Variants in CDK8 observed in about 807,000 individuals in gnomAD.
CDK8 encodes the protein cyclin dependent kinase 8.
In CDK8, 29 loss-of-function variants were observed where a neutral mutation model predicts 71.5. That is an observed-to-expected ratio of 0.41 (90% CI 0.30 to 0.55). CDK8 has a LOEUF of 0.55. Among genes scored for constraint, CDK8 ranks in the 20% least tolerant of loss-of-function variants. The pLI is 0.37. For missense variants in CDK8, 288 were observed against 572.6 expected, an observed-to-expected ratio of 0.50 and a Z score of 5.07; for synonymous variants, 161 against 192.1, an observed-to-expected ratio of 0.84 and a Z score of 1.34.
intron 1 of CDK8, among the ~76,000 whole-genome samples, chr13:26,289,239 G>C (rs1479625066): frequency 6.6e-6 from 1 of 151,586 alleles, no homozygotes; most frequent in Non-Finnish European, 1.5e-5. Flanking sequence ...ATTTTTAGTA[G>C]AGATGGAGTT....
chr13:26,319,683 C>CT (rs57713231), intron 1 of CDK8, among the ~76,000 whole-genome samples: 11,639 of 137,416 alleles, frequency 0.085, 1,095 homozygotes, highest in African/African-American at 0.24. Flanking sequence ...ATCCAAATGG[C>CT]TTTTTTTTTT....
intron 4 of CDK8, among the ~76,000 whole-genome samples, chr13:26,361,345 C>T (rs1874128735): frequency 6.6e-6 from 1 of 152,098 alleles, no homozygotes; most frequent in Admixed American, 6.5e-5. Flanking sequence ...TATGGATGCT[C>T]CTTGACTTAC....
chr13:26,306,509 T>G (rs1011890773), intron 1 of CDK8, among the ~76,000 whole-genome samples: 1 of 152,124 alleles, frequency 6.6e-6, no homozygotes, highest in Non-Finnish European at 1.5e-5. Flanking sequence ...TCCTTTTTCT[T>G]TCTTTTTAAA....
At chr13:26,271,027 T>C (rs1032619537) in intron 1 of CDK8, among the ~76,000 whole-genome samples, 2 of 152,242 alleles carry the variant, frequency 1.3e-5, no homozygotes. Context: ...TATTAAATGG[T>C]ATCTTATTGT....
At chr13:26,300,382 G>A (rs1018451750) in intron 1 of CDK8, among the ~76,000 whole-genome samples, 1 of 152,090 alleles carries the variant, frequency 6.6e-6, no homozygotes, top group African/African-American at 2.4e-5. Context: ...GATGGAGGTG[G>A]GGGGCATGAG....
chr13:26,381,424 A>G (rs1444968354), intron 4 of CDK8, among the ~76,000 whole-genome samples: 1 of 152,074 alleles, frequency 6.6e-6, no homozygotes, highest in Non-Finnish European at 1.5e-5. Context: ...CTCCCAGGGA[A>G]TACTGTTAGT....
chr13:26,342,006 C>T (rs760243010), intron 2 of CDK8, among the ~76,000 whole-genome samples: 15 of 152,118 alleles, frequency 9.9e-5, no homozygotes, highest in African/African-American at 3.4e-4. Context: ...CTGCAACCTC[C>T]GCCTCCCGTG....
At chr13:26,267,898 C>T (rs989411161) in intron 1 of CDK8, among the ~76,000 whole-genome samples, 2 of 152,148 alleles carry the variant, frequency 1.3e-5, no homozygotes, top group African/African-American at 4.8e-5. Flanking sequence ...GAGAAGCTCC[C>T]TTTGCTAAAT....
At chr13:26,299,694 T>C (rs1384462610) in intron 1 of CDK8, among the ~76,000 whole-genome samples, 1 of 152,192 alleles carries the variant, frequency 6.6e-6, no homozygotes, top group African/African-American at 2.4e-5. Flanking sequence ...GGCCTCATAT[T>C]TTCTTGTTTC....
rs1015024897 is a variant in CDK8 at position 26,254,513 on chromosome 13, G to A, written c.-129G>A. On this transcript the variant is annotated 5_prime_UTR_variant, in exon 1 of 13. Coordinates refer to ENST00000381527, the MANE Select transcript of CDK8 (RefSeq NM_001260.3). This position sits in a 1 kb window ranked among gnomAD's most constrained non-coding sequence, Gnocchi z 6.7. ...CCTCCTGCTCTTGCCGCATCAGTCG[G>A]GCTGGTGCTGCGGCCGGCGGGCGTA... is the stretch of plus-strand genomic sequence containing the variant. The A allele has an allele frequency of 1.4e-6, 1 of 708,378 alleles. No individual in the cohort carries two copies. The highest frequency in any genetic ancestry group is 2.8e-5 in the Admixed American group (1 of 35,484). The allele number at this position is 708,378 out of a possible 1,614,324, so 43.9% of individuals were successfully genotyped here. A position where few individuals can be genotyped will look rare whatever the true frequency, so the allele number is the denominator to read the frequency against.
chr13:26,327,753 C>T (rs1452230721), intron 1 of CDK8, among the ~76,000 whole-genome samples: 1 of 152,028 alleles, frequency 6.6e-6, no homozygotes, highest in Non-Finnish European at 1.5e-5. Flanking sequence ...CGCTTGAACC[C>T]GGGAGGTGGA....
At chr13:26,340,752 G>C (rs1400581378) in intron 2 of CDK8, among the ~76,000 whole-genome samples, 1 of 152,054 alleles carries the variant, frequency 6.6e-6, no homozygotes, top group Non-Finnish European at 1.5e-5. Flanking sequence ...TGTGTGCCTG[G>C]TTACTTACTT....
chr13:26,290,882 C>T (rs1470379987), intron 1 of CDK8, among the ~76,000 whole-genome samples: 3 of 151,870 alleles, frequency 2.0e-5, no homozygotes, highest in African/African-American at 2.4e-5. Flanking sequence ...TTTGGGAGGC[C>T]GAGGCAGGTG....
chr13:26,385,775 C>T (rs1375804974), intron 6 of CDK8, among the ~76,000 whole-genome samples: 8 of 151,970 alleles, frequency 5.3e-5, no homozygotes, highest in Admixed American at 5.3e-4. Context: ...AAGAGCAAGG[C>T]CTAACCCAAC....
chr13:26,375,332 A>C (rs8001301), intron 4 of CDK8, among the ~76,000 whole-genome samples: 5,507 of 152,274 alleles, frequency 0.036, 322 homozygotes, highest in African/African-American at 0.12. Flanking sequence ...ATCTCTTGAA[A>C]ACCCAAGGTG....
At chr13:26,330,550 C>T (rs1875266624) in intron 1 of CDK8, among the ~76,000 whole-genome samples, 1 of 152,132 alleles carries the variant, frequency 6.6e-6, no homozygotes, top group South Asian at 2.1e-4. Context: ...CCTTTAACCA[C>T]TTTTCATTCA....
At chr13:26,299,169 T>C (rs1183605536) in intron 1 of CDK8, among the ~76,000 whole-genome samples, 2 of 152,222 alleles carry the variant, frequency 1.3e-5, no homozygotes, top group East Asian at 3.8e-4. Context: ...TTTAGAATTG[T>C]TACTTCCTTA....
intron 3 of CDK8, among the ~76,000 whole-genome samples, chr13:26,349,631 A>C (rs997067101): frequency 5.3e-5 from 8 of 152,224 alleles, no homozygotes; most frequent in African/African-American, 1.9e-4. Flanking sequence ...TATTTGTCGT[A>C]TAGCATTAAG....
intron 1 of CDK8, among the ~76,000 whole-genome samples, chr13:26,325,619 G>T (rs1185374737): frequency 6.6e-6 from 1 of 152,174 alleles, no homozygotes; most frequent in Non-Finnish European, 1.5e-5. Flanking sequence ...AGGGGAAGTA[G>T]AACAGATCTG....
Sources: gnomAD v4.1 joint callset for allele counts (sites outside exome capture counted in the v4.1 genomes callset) on GRCh38, gnomAD v4.1.1 for gene constraint, Gnocchi (gnomAD v3.1) non-coding constraint, MANE v1.5 for transcripts, NCBI Gene and HGNC (gene_info 2026-07-23, HGNC 2026-07-21) for gene names.